Variants in TANGO6 observed in about 807,000 individuals in gnomAD.
The protein encoded by TANGO6 is transport and golgi organization 6 homolog.
TANGO6 carries 90 observed loss-of-function variants against 114.2 expected under a neutral mutation model. That is an observed-to-expected ratio of 0.79 (90% CI 0.66 to 0.94). TANGO6 has a LOEUF of 0.94. Ranked by LOEUF, TANGO6 falls within the 40% of genes least tolerant of loss-of-function variation. The pLI is 0.00. For missense variants in TANGO6, 1,274 were observed against 1,315.3 expected (o/e 0.97, Z 0.49); for synonymous variants, 477 against 509.8 (o/e 0.94, Z 0.87).
At chr16:69,028,132 G>A (rs552959987) in intron 16 of TANGO6, among the ~76,000 whole-genome samples, 2 of 151,994 alleles carry the variant, frequency 1.3e-5, no homozygotes, top group East Asian at 3.9e-4. Flanking sequence ...GGTAATTTTT[G>A]TGTTTTTAGT....
chr16:68,901,236 T>C (rs1247568247), intron 8 of TANGO6, among the ~76,000 whole-genome samples: 2 of 152,198 alleles, frequency 1.3e-5, no homozygotes, highest in Non-Finnish European at 2.9e-5. Flanking sequence ...TATGCATTAA[T>C]GTGTTTAGTA....
intron 1 of TANGO6, among the ~76,000 whole-genome samples, chr16:68,845,256 C>G (rs566826828): frequency 9.8e-5 from 15 of 152,298 alleles, no homozygotes; most frequent in African/African-American, 3.6e-4. Flanking sequence ...GCCTGAGCCA[C>G]TACACCTGGC....
intron 17 of TANGO6, among the ~76,000 whole-genome samples, chr16:69,065,056 T>G (rs1960193057): frequency 6.6e-6 from 1 of 152,250 alleles, no homozygotes; most frequent in African/African-American, 2.4e-5. Flanking sequence ...AGCAGTAGCC[T>G]GCTGCCTTTG....
At chr16:68,978,021 A>C (rs965656273) in intron 15 of TANGO6, among the ~76,000 whole-genome samples, 1 of 152,174 alleles carries the variant, frequency 6.6e-6, no homozygotes, top group African/African-American at 2.4e-5. Flanking sequence ...TTTTCTAAGA[A>C]GAAAGATGAA....
intron 15 of TANGO6, among the ~76,000 whole-genome samples, chr16:69,009,306 C>T: frequency 6.6e-6 from 1 of 152,030 alleles, no homozygotes; most frequent in East Asian, 1.9e-4. Flanking sequence ...GTCTCGAACT[C>T]CTGATCTCAG....
intron 17 of TANGO6, among the ~76,000 whole-genome samples, chr16:69,065,239 G>A (rs1960196382): frequency 6.6e-6 from 1 of 152,198 alleles, no homozygotes; most frequent in Admixed American, 6.5e-5. Flanking sequence ...GAGCTGCATG[G>A]TCACTGACCA....
At chr16:69,023,707 G>C (rs984630025) in intron 16 of TANGO6, among the ~76,000 whole-genome samples, 15 of 151,824 alleles carry the variant, frequency 9.9e-5, no homozygotes, top group Non-Finnish European at 1.2e-4. Context: ...TTTGGCCGAG[G>C]CACCCTGTAT....
chr16:69,062,380 T>G (rs1045789913), intron 17 of TANGO6, among the ~76,000 whole-genome samples: 1 of 152,188 alleles, frequency 6.6e-6, no homozygotes. Context: ...TGCATCCTTA[T>G]TATTAGATTG....
At chr16:68,959,616 A>T (rs1425511814) in intron 14 of TANGO6, among the ~76,000 whole-genome samples, 2 of 152,096 alleles carry the variant, frequency 1.3e-5, no homozygotes, top group Non-Finnish European at 2.9e-5. Context: ...ATAAAAATAA[A>T]TAAGGAAAAA....
intron 17 of TANGO6, among the ~76,000 whole-genome samples, chr16:69,054,976 A>G (rs950286982): frequency 2.1e-5 from 3 of 143,456 alleles, no homozygotes; most frequent in African/African-American, 7.7e-5. Flanking sequence ...TTCTGTTGCT[A>G]TTGTCTTGTT....
intron 15 of TANGO6, among the ~76,000 whole-genome samples, chr16:68,999,101 C>T (rs28810739): frequency 1.3e-5 from 2 of 152,114 alleles, no homozygotes; most frequent in Non-Finnish European, 2.9e-5. Context: ...CCAGGCTGAT[C>T]TTGAACTCCT....
intron 4 of TANGO6, among the ~76,000 whole-genome samples, chr16:68,871,912 G>T (rs1962276933): frequency 6.6e-6 from 1 of 152,140 alleles, no homozygotes; most frequent in Non-Finnish European, 1.5e-5. Flanking sequence ...GAACCACTGT[G>T]CCTGGCCAAG....
At chr16:68,849,333 CA>C (rs376441116) in intron 1 of TANGO6, among the ~76,000 whole-genome samples, 5 of 149,626 alleles carry the variant, frequency 3.3e-5, no homozygotes, top group African/African-American at 7.4e-5. Flanking sequence ...GACCCTGTCC[CA>C]AAAAAAAAGA....
intron 15 of TANGO6, among the ~76,000 whole-genome samples, chr16:68,992,607 G>A (rs562733887): frequency 1.1e-3 from 160 of 152,160 alleles, no homozygotes; most frequent in Middle Eastern, 3.4e-3. Flanking sequence ...TAAAATGTGC[G>A]ATCATCCTGT....
intron 4 of TANGO6, chr16:68,867,491 G>C (rs1248992935): frequency 3.1e-6 from 1 of 325,784 alleles, no homozygotes; most frequent in Non-Finnish European, 5.6e-6. Context: ...TATACTATCT[G>C]GGGAAAACAT....
chr16:68,896,245 G>A (rs1190735185), intron 7 of TANGO6, among the ~76,000 whole-genome samples: 1 of 152,128 alleles, frequency 6.6e-6, no homozygotes, highest in Non-Finnish European at 1.5e-5. Context: ...GGACTCAAGT[G>A]ATCTTCCCTC....
Position 68,928,085 on chromosome 16 carries a change from T to C in TANGO6, c.2643+2T>C, listed in dbSNP as rs1241292499. ...GAGATGCAAGAGAAGCTTCTCAAGG[T>C]GAGTAGAACACACTGTAAAGACACA... On this transcript the variant is annotated splice_donor_variant, in intron 13 of 17. Transcript: ENST00000261778. LOFTEE classifies it high-confidence loss of function. The C allele has an allele frequency of 7.6e-6, 12 of 1,569,362 alleles. No individual in the cohort carries two copies. Among genetic ancestry groups the C allele is most frequent in the Non-Finnish European group, 1.0e-5 (12 of 1,157,110 alleles).
chr16:68,893,960 G>A (rs1045528903), intron 7 of TANGO6, among the ~76,000 whole-genome samples: 1 of 152,118 alleles, frequency 6.6e-6, no homozygotes, highest in African/African-American at 2.4e-5. Flanking sequence ...AGGTGGAGCG[G>A]TCAGGCCCTG....
chr16:68,913,974 A>G (rs1274644602), intron 11 of TANGO6, among the ~76,000 whole-genome samples: 5 of 152,004 alleles, frequency 3.3e-5, no homozygotes, highest in African/African-American at 1.2e-4. Context: ...TGGGTGGGAG[A>G]GGAGAACTGA....
Sources: allele counts gnomAD v4.1 joint callset (sites outside exome capture counted in the v4.1 genomes callset), GRCh38; gene constraint gnomAD v4.1.1; transcripts MANE v1.5; gene names NCBI Gene and HGNC (gene_info 2026-07-23, HGNC 2026-07-21).